The following GGA3 variants were observed in gnomAD, a reference collection of about 807,000 sequenced individuals.
GGA3 encodes the protein ADP-ribosylation factor-binding protein GGA3.
Under a neutral mutation model 77.5 loss-of-function variants are expected in GGA3, and 57 were observed. The ratio of observed to expected loss-of-function variants is 0.74; its 90% confidence interval spans 0.59 to 0.92. GGA3 has a LOEUF of 0.92. Ranked by LOEUF, GGA3 falls within the 40% of genes least tolerant of loss-of-function variation. The pLI, the probability that GGA3 is intolerant of heterozygous loss-of-function variation, is 0.00. For synonymous variants in GGA3, 416 were observed against 383.7 expected (o/e 1.08, Z -0.98); for missense variants, 970 against 914.9 (o/e 1.06, Z -0.78).
chr17:75,259,445 C>T (rs573983635), intron 1 of GGA3, among the ~76,000 whole-genome samples: 6 of 151,954 alleles, frequency 3.9e-5, no homozygotes, highest in East Asian at 1.9e-4. Flanking sequence ...GTTGAGGAAA[C>T]GGGAGCAGGG....
At chr17:75,252,419 A>G (rs193075483) in intron 1 of GGA3, among the ~76,000 whole-genome samples, 1 of 152,094 alleles carries the variant, frequency 6.6e-6, no homozygotes, top group Non-Finnish European at 1.5e-5. Context: ...TAAATGCTGC[A>G]CCTTCCAAAA....
At chr17:75,262,301 G>A, upstream of GGA3, 1 of 697,422 alleles carries the variant, frequency 1.4e-6, no homozygotes, top group Non-Finnish European at 2.4e-6. Context: ...TTGACCAGGA[G>A]GAGACTTTAC....
intron 15 of GGA3, 58 bp from the exon 16 acceptor site, chr17:75,238,820 C>CA (rs2076414849): frequency 6.4e-7 from 1 of 1,563,808 alleles, no homozygotes; most frequent in African/African-American, 1.4e-5. Context: ...ATGGAACCTG[C>CA]AGTGCACACA....
intron 1 of GGA3, among the ~76,000 whole-genome samples, chr17:75,252,963 G>T (rs1241799030): frequency 6.6e-6 from 1 of 152,138 alleles, no homozygotes; most frequent in Admixed American, 6.5e-5. Context: ...TCTCTTTTCG[G>T]ACTCAGCCCG....
chr17:75,257,288 C>CGCA (rs1555591689), intron 1 of GGA3, among the ~76,000 whole-genome samples: 2 of 133,364 alleles, frequency 1.5e-5, no homozygotes, highest in African/African-American at 5.2e-5. Flanking sequence ...GCCCCCCCCC[C>CGCA]CAAAAAAAAC....
chr17:75,242,702 C>T lies in GGA3; in HGVS notation c.609+129G>A. On this transcript the variant is annotated intron_variant, in intron 7 of 16. Transcript: ENST00000537686. ...TTGTGCTCCTCCTCCCACTCTCAGC[C>T]ACCGGGGCACAGGTAGGGCAGCTGG... The T allele has an allele frequency of 3.3e-6, 3 of 921,716 alleles. No homozygotes were observed. In the Admixed American group the frequency reaches 5.7e-5, roughly 18 times the overall value. The allele number at this position is 921,716 out of a possible 1,614,324, so 57.1% of individuals were successfully genotyped here. A position where few individuals can be genotyped will look rare whatever the true frequency, so the allele number is the denominator to read the frequency against.
rs1598400249 is a variant in GGA3 at position 75,242,333 on chromosome 17, C to T, written c.747+3G>A. ...AGGCAGCCTTTGCCGTCGGCGGTCCCACCTTCATCAGCTCTCTGTCCCCGT... is the reference window on the plus strand; with the variant it reads ...AGGCAGCCTTTGCCGTCGGCGGTCCTACCTTCATCAGCTCTCTGTCCCCGT... On this transcript the variant is annotated splice_donor_region_variant and intron_variant, in intron 8 of 16. Transcript: ENST00000537686. 2 of 1,614,220 alleles carry T rather than the reference C, an allele frequency of 1.2e-6. No individual in the cohort carries two copies. The highest frequency in any genetic ancestry group is 4.5e-5 in the East Asian group (2 of 44,880).
In GGA3 at chr17:75,248,821, C is replaced by CA. The variant is rs58068036; in HGVS notation, c.41-2026dup. The CA allele has an allele frequency of 3.1e-3, 2,608 of 851,500 alleles. 1 individual carries two copies. The highest frequency in any genetic ancestry group is 6.2e-3 in the Middle Eastern group (10 of 1,616). 52.7% of individuals were successfully genotyped at this position (851,500 alleles called of 1,614,324 possible). A position where few individuals can be genotyped will look rare whatever the true frequency, so the allele number is the denominator to read the frequency against. Reference sequence around the variant, plus strand: ...AAAAACAAAAACAAAAAAAACAAAACAAAAAAAAAAAAACTCACCAGCTGG... The same window carrying CA: ...AAAAACAAAAACAAAAAAAACAAAACAAAAAAAAAAAAAACTCACCAGCTGG... On this transcript the variant is annotated intron_variant, in intron 1 of 16. Coordinates refer to ENST00000537686, the MANE Select transcript of GGA3 (RefSeq NM_138619.4).
chr17:75,241,768 T>C (rs112038244), intron 8 of GGA3, 72 bp from the exon 9 acceptor site: 18 of 1,340,452 alleles, frequency 1.3e-5, no homozygotes, highest in African/African-American at 1.3e-4. Context: ...TCAGGGTTCA[T>C]GCCCAGAAAA....
chr17:75,258,300 C>G (rs1364808007), intron 1 of GGA3, among the ~76,000 whole-genome samples: 1 of 152,132 alleles, frequency 6.6e-6, no homozygotes, highest in African/African-American at 2.4e-5. Context: ...TCAAATCAAG[C>G]CTCTTAAGAC....
chr17:75,245,486 C>T (rs1377087804), intron 3 of GGA3, among the ~76,000 whole-genome samples: 2 of 152,104 alleles, frequency 1.3e-5, no homozygotes, highest in African/African-American at 2.4e-5. Flanking sequence ...GCCAAATGTT[C>T]CCTGGAGGGC....
chr17:75,241,628 A>G lies in GGA3; in HGVS notation c.816T>C (p.Asn272=), dbSNP rs772219426. 1.9e-6 allele frequency: 3 copies of G among 1,613,984 alleles called. No homozygotes were observed. Among genetic ancestry groups the G allele is most frequent in the East Asian group, 2.2e-5 (1 of 44,874 alleles). Residue 272 remains asparagine, a synonymous_variant, in exon 9 of 17, where the codon AAT becomes AAC. Coordinates refer to ENST00000537686, the MANE Select transcript of GGA3 (RefSeq NM_138619.4). ...TCTTTCACTCACCCAAACTGTTATC[A>G]TTGTCCTCAGTCTCACTGGCGAGTT... The part of the protein sequence containing the change: ...LFKLASETED[N]DNSLGDILQA...
chr17:75,246,657 T>C, intron 2 of GGA3, 55 bp downstream of exon 2: 1 of 1,594,716 alleles, frequency 6.3e-7, no homozygotes, highest in South Asian at 1.1e-5. Flanking sequence ...TGGCCATGGT[T>C]GTTCCCCTTC....
At chr17:75,254,320 G>A (rs1431001503) in intron 1 of GGA3, among the ~76,000 whole-genome samples, 1 of 152,008 alleles carries the variant, frequency 6.6e-6, no homozygotes, top group African/African-American at 2.4e-5. Flanking sequence ...CCTCACACCT[G>A]GTCCAGCTTA....
In GGA3 at chr17:75,244,658, G is replaced by A. The variant is rs1037147437; in HGVS notation, c.261C>T (p.Phe87=). 6.2e-7 allele frequency: 1 copy of A among 1,613,820 alleles called. No individual in the cohort carries two copies. The change falls in exon 4 of 17, where the codon TTC becomes TTT. Residue 87 remains phenylalanine (F), a synonymous_variant. Transcript: ENST00000537686. The part of the protein sequence containing the change: ...GRRFHNEVGK[F]RFLNELIKVV... ...CTTTGATTAACTCATTCAAAAAGCG[G>A]AACTTCCCCACTTCGTTATGAAATC... is the stretch of plus-strand genomic sequence containing the variant.
rs1184802064 is a variant in GGA3 at position 75,240,090 on chromosome 17, C to A, written c.1282G>T (p.Asp428Tyr). ...GTCCCCGGCCTGGGGCTGAAGAAGTCCAGGTCGGACTGTTCCCTCTATGAA... is the reference window on the plus strand; with the variant it reads ...GTCCCCGGCCTGGGGCTGAAGAAGTACAGGTCGGACTGTTCCCTCTATGAA... ...HLLQREQSDL[D>Y]FFSPRPGTAA... Residue 428 changes from aspartate (D) to tyrosine (Y), a missense_variant, in exon 13 of 17, where the codon GAC (aspartate) becomes TAC (tyrosine). By Grantham distance (160) the Asp-to-Tyr change is radical (BLOSUM62 -3). Transcript: ENST00000537686. 1 of 1,548,652 alleles carries A rather than the reference C, an allele frequency of 6.5e-7. No homozygotes were observed.
chr17:75,237,935 A>AT lies in GGA3; in HGVS notation c.*343_*344insA, dbSNP rs2076378789. The AT allele has an allele frequency of 4.2e-6, 2 of 475,262 alleles. No individual in the cohort carries two copies. Among genetic ancestry groups the AT allele is most frequent in the Non-Finnish European group, 5.4e-6 (2 of 370,040 alleles). 29.4% of individuals were successfully genotyped at this position (475,262 alleles called of 1,614,324 possible). On this transcript the variant is annotated 3_prime_UTR_variant, in exon 17 of 17. Transcript: ENST00000537686. Reference sequence around the variant, plus strand: ...TAGAGACTCCCACCCCCCACCCCCCACCCCAGTGGCTTCAGTGAATGCCAG... The same window carrying AT: ...TAGAGACTCCCACCCCCCACCCCCCATCCCCAGTGGCTTCAGTGAATGCCAG...
At position 75,240,896 on chromosome 17, in the gene GGA3, A is replaced by AG. The variant is rs1224426491; in HGVS notation, c.1107dup (p.Ser370LeufsTer3). 6.2e-7 allele frequency: 1 copy of AG among 1,613,488 alleles called. No homozygotes were observed. Among genetic ancestry groups the AG allele is most frequent in the Non-Finnish European group, 8.5e-7 (1 of 1,179,852 alleles). ...AGGGTGGCCTCGGCCTGGCTAGAGG[A>AG]GCGGCTCCGTGGAGGTCCTGAGGCC... is the stretch of plus-strand genomic sequence containing the variant. On this transcript the variant is annotated frameshift_variant, in exon 11 of 17. Coordinates refer to ENST00000537686, the MANE Select transcript of GGA3 (RefSeq NM_138619.4). LOFTEE classifies it high-confidence loss of function.
chr17:75,241,154 G>A (rs1348366144), intron 10 of GGA3, 97 bp from the exon 11 acceptor site: 2 of 1,373,348 alleles, frequency 1.5e-6, no homozygotes, highest in African/African-American at 1.4e-5. Context: ...CACTGCTACA[G>A]CCTCTGGCCT....
Sources: gnomAD v4.1 joint callset for allele counts (sites outside exome capture counted in the v4.1 genomes callset) on GRCh38, gnomAD v4.1.1 for gene constraint, MANE v1.5 for transcripts, NCBI Gene and HGNC (gene_info 2026-07-23, HGNC 2026-07-21) for gene names.